Variants in SLC22A15 observed in about 807,000 individuals in gnomAD.
SLC22A15 encodes flipt 1.
In SLC22A15, 45 loss-of-function variants were observed where a neutral mutation model predicts 62.7. The ratio of observed to expected loss-of-function variants is 0.72; its 90% confidence interval spans 0.56 to 0.92. The LOEUF (loss-of-function observed/expected upper bound fraction) is 0.92. Ranked by LOEUF, SLC22A15 falls within the 40% of genes least tolerant of loss-of-function variation. The pLI, the probability that SLC22A15 is intolerant of heterozygous loss-of-function variation, is 0.00. For synonymous variants in SLC22A15, 264 were observed against 267.0 expected (o/e 0.99, Z 0.11); for missense variants, 622 against 665.6 (o/e 0.93, Z 0.72).
chr1:115,998,142 A>G (rs572196279), intron 2 of SLC22A15, among the ~76,000 whole-genome samples: 1 of 152,296 alleles, frequency 6.6e-6, no homozygotes, highest in East Asian at 1.9e-4. Flanking sequence ...CCACTTGCTC[A>G]TGATGGATGA....
chr1:116,064,130 C>T (rs1658443323), intron 9 of SLC22A15, among the ~76,000 whole-genome samples: 1 of 152,116 alleles, frequency 6.6e-6, no homozygotes, highest in Admixed American at 6.6e-5. Flanking sequence ...TTACTGGCTT[C>T]ATGTAGCTAT....
intron 8 of SLC22A15, among the ~76,000 whole-genome samples, chr1:116,054,518 A>T (rs537802111): frequency 2.5e-4 from 38 of 152,290 alleles, no homozygotes; most frequent in African/African-American, 8.9e-4. Context: ...TTAAACAAGG[A>T]TACCCAGGAA....
At chr1:115,997,972 C>T (rs1221348622) in intron 2 of SLC22A15, among the ~76,000 whole-genome samples, 1 of 22,220 alleles carries the variant, frequency 4.5e-5, no homozygotes, top group Non-Finnish European at 1.5e-4. Context: ...CTTCTATACC[C>T]AGTTTTTTTG....
intron 2 of SLC22A15, among the ~76,000 whole-genome samples, chr1:116,016,265 T>A (rs112598256): frequency 4.0e-5 from 6 of 148,294 alleles, no homozygotes; most frequent in South Asian, 2.3e-4. Context: ...AATGGCACTC[T>A]GTAGCCCCAA....
intron 4 of SLC22A15, among the ~76,000 whole-genome samples, chr1:116,024,267 G>A (rs1468560504): frequency 1.3e-5 from 2 of 152,162 alleles, no homozygotes; most frequent in Non-Finnish European, 1.5e-5. Context: ...GTAGAGATGG[G>A]GAGAGCAAAA....
chr1:115,981,055 C>G (rs1654585998), intron 1 of SLC22A15, among the ~76,000 whole-genome samples: 1 of 152,126 alleles, frequency 6.6e-6, no homozygotes, highest in East Asian at 1.9e-4. Flanking sequence ...AATGCTATCA[C>G]AGCTTACCTT....
chr1:116,002,981 T>C (rs1010230251), intron 2 of SLC22A15, among the ~76,000 whole-genome samples: 1 of 151,948 alleles, frequency 6.6e-6, no homozygotes, highest in African/African-American at 2.4e-5. Context: ...AAACTGGGTC[T>C]TGTCCAAGGC....
At chr1:116,029,068 G>T (rs1485894770) in intron 5 of SLC22A15, among the ~76,000 whole-genome samples, 1 of 152,096 alleles carries the variant, frequency 6.6e-6, no homozygotes, top group Admixed American at 6.5e-5. Flanking sequence ...TTTGCTCCAT[G>T]ATAACATTTT....
intron 1 of SLC22A15, among the ~76,000 whole-genome samples, chr1:115,978,241 A>G (rs1400792481): frequency 6.6e-6 from 1 of 151,800 alleles, no homozygotes; most frequent in South Asian, 2.1e-4. Flanking sequence ...TCATTTTCTT[A>G]TTTGCCTAGC....
At chr1:116,043,922 T>C (rs1258117819) in intron 8 of SLC22A15, among the ~76,000 whole-genome samples, 1 of 152,172 alleles carries the variant, frequency 6.6e-6, no homozygotes, top group Non-Finnish European at 1.5e-5. Context: ...ATAACCTGAA[T>C]AGCACCATAT....
rs540257877 is a variant in SLC22A15 at position 116,062,066 on chromosome 1, G to T, written c.1172-696G>T. 6.6e-5 allele frequency among the ~76,000 whole-genome samples: 10 copies of T among 152,156 alleles called. 1 individual carries two copies. In the East Asian group the frequency reaches 1.9e-3, roughly 30 times the overall value. ...TCTACCAAAAATACAAAAATTAGCTGGGCGTAATGGTGGGTGCCTGTAATT... is the reference window on the plus strand; with the variant it reads ...TCTACCAAAAATACAAAAATTAGCTTGGCGTAATGGTGGGTGCCTGTAATT... On this transcript the variant is annotated intron_variant, in intron 8 of 11. Transcript: ENST00000369503.
chr1:116,001,903 A>C (rs984846432), intron 2 of SLC22A15, among the ~76,000 whole-genome samples: 1 of 152,178 alleles, frequency 6.6e-6, no homozygotes, highest in African/African-American at 2.4e-5. Flanking sequence ...GATGTTCGTC[A>C]ATGCCTGAAC....
chr1:116,063,657 A>G (rs1289542578), intron 9 of SLC22A15, among the ~76,000 whole-genome samples: 2 of 152,354 alleles, frequency 1.3e-5, no homozygotes, highest in Admixed American at 1.3e-4. Flanking sequence ...GCAATTGGCT[A>G]GTAATTTCCT....
At chr1:116,064,291 T>C in intron 9 of SLC22A15, 145 bp from the exon 10 acceptor site, 6 of 621,144 alleles carry the variant, frequency 9.7e-6, no homozygotes, top group Non-Finnish European at 1.7e-5. Flanking sequence ...CAGGAACATC[T>C]AGTAGGCAGC....
At chr1:116,001,220 G>A (rs989857015) in intron 2 of SLC22A15, among the ~76,000 whole-genome samples, 5 of 151,744 alleles carry the variant, frequency 3.3e-5, no homozygotes, top group Admixed American at 2.0e-4. Context: ...TCCTTTATAT[G>A]TAATTTTTTT....
intron 8 of SLC22A15, among the ~76,000 whole-genome samples, chr1:116,061,481 G>A (rs1258262551): frequency 6.6e-6 from 1 of 152,154 alleles, no homozygotes; most frequent in Non-Finnish European, 1.5e-5. Flanking sequence ...TTTCAGGAGA[G>A]GATGGTATGG....
At chr1:116,017,184 C>G (rs929191881) in intron 2 of SLC22A15, among the ~76,000 whole-genome samples, 30 of 151,620 alleles carry the variant, frequency 2.0e-4, no homozygotes, top group African/African-American at 7.0e-4. Context: ...TGTCATCATC[C>G]AGGTCACAAA....
At chr1:116,032,097 G>A in intron 6 of SLC22A15, 1 of 985,344 alleles carries the variant, frequency 1.0e-6, no homozygotes, top group Non-Finnish European at 1.2e-6. Context: ...GGGACCCCAG[G>A]AGTTTGAAGT....
intron 2 of SLC22A15, among the ~76,000 whole-genome samples, chr1:115,998,177 G>A (rs1310545540): frequency 6.6e-6 from 1 of 152,016 alleles, no homozygotes; most frequent in Non-Finnish European, 1.5e-5. Context: ...GTTGAATTTG[G>A]TTTGCTAGTA....
Sources: gnomAD v4.1 joint callset for allele counts (sites outside exome capture counted in the v4.1 genomes callset) on GRCh38, gnomAD v4.1.1 for gene constraint, MANE v1.5 for transcripts, NCBI Gene and HGNC (gene_info 2026-07-23, HGNC 2026-07-21) for gene names.